The following AP4E1 variants were observed in gnomAD, a reference collection of about 807,000 sequenced individuals.
The protein encoded by AP4E1 is AP-4 complex subunit epsilon-1.
In AP4E1, 56 loss-of-function variants were observed where a neutral mutation model predicts 128.2. The observed-to-expected ratio is 0.44, with a 90% CI of 0.35 to 0.55. AP4E1 has a LOEUF of 0.55. Ranked by LOEUF, AP4E1 falls within the 20% of genes least tolerant of loss-of-function variation. The pLI, the probability that AP4E1 is intolerant of heterozygous loss-of-function variation, is 0.00. For synonymous variants in AP4E1, 484 were observed against 473.1 expected (o/e 1.02, Z -0.30); for missense variants, 1,324 against 1,307.7 (o/e 1.01, Z -0.19).
chr15:50,990,635 C>T (rs548100475), intron 16 of AP4E1, among the ~76,000 whole-genome samples: 56 of 152,218 alleles, frequency 3.7e-4, no homozygotes, highest in Middle Eastern at 3.4e-3. Context: ...ATCCGCCTGC[C>T]TCAGCGTCAG....
At chr15:50,920,411 C>A (rs1329752461) in intron 3 of AP4E1, among the ~76,000 whole-genome samples, 5 of 145,430 alleles carry the variant, frequency 3.4e-5, no homozygotes, top group African/African-American at 5.0e-5. Context: ...CCGTGCCCGG[C>A]CTTCTTTTTT....
At chr15:50,916,201 A>T (rs988483774) in intron 3 of AP4E1, among the ~76,000 whole-genome samples, 1 of 152,210 alleles carries the variant, frequency 6.6e-6, no homozygotes, top group African/African-American at 2.4e-5. Context: ...AAGCGCTGGG[A>T]TTACAGGTGT....
intron 19 of AP4E1, among the ~76,000 whole-genome samples, chr15:51,000,439 C>T (rs1199235695): frequency 6.6e-6 from 1 of 152,200 alleles, no homozygotes; most frequent in Non-Finnish European, 1.5e-5. Context: ...CCATGCCCAG[C>T]TTTCCCCATT....
rs55717107 is a variant in AP4E1 at position 50,982,086 on chromosome 15, CAAAAAAAAAAAA to C, written c.1967-1924_1967-1913del. The stretch of plus-strand genomic sequence containing the variant: ...GGCAATAAGAGCAAAACTCCCATCT[CAAAAAAAAAAAA>C]AAAAAAAAAAAGCAAGTTCAGCCCT... On this transcript the variant is annotated intron_variant, in intron 15 of 20. Coordinates refer to ENST00000261842, the MANE Select transcript of AP4E1 (RefSeq NM_007347.5). 1.8e-4 allele frequency among the ~76,000 whole-genome samples: 9 copies of C among 49,284 alleles called. No individual in the cohort carries two copies. The South Asian group carries it at 5.4e-3, about 30-fold the overall frequency. 32.3% of individuals were successfully genotyped at this position (49,284 alleles called of 152,430 possible). A position where few individuals can be genotyped will look rare whatever the true frequency, so the allele number is the denominator to read the frequency against.
At chr15:50,924,923 A>G (rs1348980595) in intron 4 of AP4E1, among the ~76,000 whole-genome samples, 175 bp from the exon 5 acceptor site, 1 of 152,206 alleles carries the variant, frequency 6.6e-6, no homozygotes, top group Non-Finnish European at 1.5e-5. Flanking sequence ...TGACTCTATT[A>G]AGGCAAATGA....
rs375439683 is a variant in AP4E1 at position 50,984,099 on chromosome 15, C to T, written c.2044C>T (p.Leu682Phe). 6.2e-7 allele frequency: 1 copy of T among 1,613,510 alleles called. No individual in the cohort carries two copies. The highest frequency in any genetic ancestry group is 1.1e-5 in the South Asian group (1 of 91,066). The change falls in exon 16 of 21, where the codon CTT becomes TTT. Residue 682 changes from leucine (L) to phenylalanine (F), a missense_variant. By Grantham distance (22) the Leu-to-Phe change is conservative. Transcript: ENST00000261842. ...ACGACAGTCTCCTGCTGGCATTTCT[C>T]TTGGTTCAGATGTATCTGGGAATAG... ...TGRQSPAGIS[L>F]GSDVSGNSAE...
At chr15:50,968,226 T>G (rs759310674) in intron 14 of AP4E1, 37 bp from the exon 15 acceptor site, 3 of 1,350,358 alleles carry the variant, frequency 2.2e-6, no homozygotes, top group Admixed American at 3.6e-5. Context: ...TAGGATAAAT[T>G]TATTTAATTC....
chr15:50,990,053 T>G (rs1309011342), intron 16 of AP4E1, among the ~76,000 whole-genome samples: 2 of 152,076 alleles, frequency 1.3e-5, no homozygotes, highest in Non-Finnish European at 2.9e-5. Context: ...GCACCCTATC[T>G]CAAATGGGAA....
At chr15:50,986,105 C>T (rs1439111786) in intron 16 of AP4E1, among the ~76,000 whole-genome samples, 4 of 151,828 alleles carry the variant, frequency 2.6e-5, no homozygotes, top group Non-Finnish European at 5.9e-5. Context: ...TGATTTGGCT[C>T]TCTGTCTGTT....
chr15:50,908,084 G>T (rs2614788), upstream of AP4E1, among the ~76,000 whole-genome samples: 3 of 152,090 alleles, frequency 2.0e-5, no homozygotes, highest in Admixed American at 2.0e-4. Flanking sequence ...CCGCCGACCA[G>T]TTCTCTTTCC....
chr15:50,948,124 C>T lies in AP4E1; in HGVS notation c.1281C>T (p.Val427=). Reference sequence around the variant, plus strand: ...AGAGCAAAGAAGAGTATGTCATCGTCAATTTGGTCGGCAAAATAGCAGAGC... The same window carrying T: ...AGAGCAAAGAAGAGTATGTCATCGTTAATTTGGTCGGCAAAATAGCAGAGC... The part of the protein sequence containing the change: ...LHQSKEEYVI[V]NLVGKIAELA... Residue 427 remains valine (V), a synonymous_variant, in exon 11 of 21, where the codon GTC becomes GTT. Transcript: ENST00000261842. 1 of 1,613,934 alleles carries T rather than the reference C, an allele frequency of 6.2e-7. No homozygotes were observed. Among genetic ancestry groups the T allele is most frequent in the Non-Finnish European group, 8.5e-7 (1 of 1,179,932 alleles).
At position 50,948,913 on chromosome 15, in the gene AP4E1, A is replaced by G. The variant is rs375117690; in HGVS notation, c.1316+754A>G. Among the ~76,000 whole-genome samples, 18 of 151,872 alleles carry G rather than the reference A, an allele frequency of 1.2e-4. No homozygotes were observed. The East Asian group carries it at 2.5e-3, about 21-fold the overall frequency. On this transcript the variant is annotated intron_variant, in intron 11 of 20. Transcript: ENST00000261842. ...CTTGAAACTGGGAGGCGGAGGTTGC[A>G]GTGAGCTGAGATTGCACCATTGCAC...
At chr15:50,925,632 CTT>C (rs33980264) in intron 5 of AP4E1, among the ~76,000 whole-genome samples, 9 of 138,038 alleles carry the variant, frequency 6.5e-5, no homozygotes, top group Non-Finnish European at 7.8e-5. Context: ...TGGGAAGATG[CTT>C]TTTTTTTTTT....
At chr15:50,926,196 G>A (rs1016504638) in intron 5 of AP4E1, among the ~76,000 whole-genome samples, 6 of 151,954 alleles carry the variant, frequency 3.9e-5, no homozygotes, top group Non-Finnish European at 7.4e-5. Context: ...GGAGTGCGGT[G>A]GAGTGATCTC....
At chr15:50,985,792 G>A (rs1439239591) in intron 16 of AP4E1, among the ~76,000 whole-genome samples, 9 of 152,118 alleles carry the variant, frequency 5.9e-5, no homozygotes, top group African/African-American at 1.7e-4. Flanking sequence ...TTGGCAATGC[G>A]GGCTCTTTTT....
At chr15:50,910,317 G>A (rs920164464) in intron 1 of AP4E1, among the ~76,000 whole-genome samples, 4 of 152,122 alleles carry the variant, frequency 2.6e-5, no homozygotes, top group Non-Finnish European at 4.4e-5. Context: ...GGATTGTGTA[G>A]TATACCGATT....
At chr15:50,926,239 G>A (rs1382021921) in intron 5 of AP4E1, among the ~76,000 whole-genome samples, 3 of 151,684 alleles carry the variant, frequency 2.0e-5, no homozygotes, top group Non-Finnish European at 4.4e-5. Context: ...CCAGGTTTAA[G>A]CAGTTCTCTG....
At chr15:50,959,676 T>C (rs184020816) in intron 14 of AP4E1, among the ~76,000 whole-genome samples, 2 of 152,102 alleles carry the variant, frequency 1.3e-5, no homozygotes, top group East Asian at 3.9e-4. Flanking sequence ...GAATCAAATA[T>C]TATCATCACA....
chr15:50,908,714 G>A lies in AP4E1; in HGVS notation c.-65G>A, dbSNP rs1361639996. On this transcript the variant is annotated 5_prime_UTR_variant, in exon 1 of 21. Transcript: ENST00000261842. ...TACGGAGGCCGGGCCGGCAGCGGCGGCCGGGCATGAAGCCGGGCGGCTACG... is the reference window on the plus strand; with the variant it reads ...TACGGAGGCCGGGCCGGCAGCGGCGACCGGGCATGAAGCCGGGCGGCTACG... 3 of 1,404,718 alleles carry A rather than the reference G, an allele frequency of 2.1e-6. No homozygotes were observed. The highest frequency in any genetic ancestry group is 1.5e-5 in the African/African-American group (1 of 65,340). The allele number at this position is 1,404,718 out of a possible 1,614,324, so 87.0% of individuals were successfully genotyped here.
Sources: gnomAD v4.1 joint callset for allele counts (sites outside exome capture counted in the v4.1 genomes callset) on GRCh38, gnomAD v4.1.1 for gene constraint, MANE v1.5 for transcripts, NCBI Gene and HGNC (gene_info 2026-07-23, HGNC 2026-07-21) for gene names.